Variants in SGCD observed in about 807,000 individuals in gnomAD.
SGCD encodes sarcoglycan delta.
A neutral mutation model predicts 36.6 loss-of-function variants in SGCD; 18 were observed. That is an observed-to-expected ratio of 0.49 (90% CI 0.34 to 0.73). SGCD has a LOEUF of 0.73. Among genes scored for constraint, SGCD ranks in the 30% least tolerant of loss-of-function variants. The probability of loss-of-function intolerance (pLI) is 0.01; values close to 1 mark genes in which losing one functional copy is unlikely to be tolerated. For missense variants in SGCD, 387 were observed against 346.7 expected (o/e 1.12, Z -0.92); for synonymous variants, 133 against 130.6 (o/e 1.02, Z -0.12).
chr5:156,380,807 A>C (rs1770935894), intron 3 of SGCD, among the ~76,000 whole-genome samples: 2 of 152,228 alleles, frequency 1.3e-5, no homozygotes, highest in Non-Finnish European at 2.9e-5. Context: ...AGATGTATAT[A>C]GGCAGGCTGT....
At chr5:156,753,852 C>T (rs892096968) in intron 7 of SGCD, among the ~76,000 whole-genome samples, 1 of 152,142 alleles carries the variant, frequency 6.6e-6, no homozygotes, top group African/African-American at 2.4e-5. Flanking sequence ...ATGGGAACTA[C>T]AATTCAAGAT....
chr5:156,002,929 C>T (rs2127568466), intron 1 of SGCD, among the ~76,000 whole-genome samples: 1 of 152,312 alleles, frequency 6.6e-6, no homozygotes, highest in South Asian at 2.1e-4. Flanking sequence ...TTCTCATATG[C>T]TCCTTTTAGG....
intron 4 of SGCD, among the ~76,000 whole-genome samples, chr5:156,533,701 CAG>C (rs1757980334): frequency 6.6e-6 from 1 of 152,144 alleles, no homozygotes; most frequent in Non-Finnish European, 1.5e-5. Context: ...AGATGCCTAA[CAG>C]AGATGTTAAT....
At chr5:156,726,220 G>A (rs1755766440) in intron 7 of SGCD, among the ~76,000 whole-genome samples, 2 of 152,148 alleles carry the variant, frequency 1.3e-5, no homozygotes, top group Admixed American at 1.3e-4. Context: ...TAATTATGAG[G>A]AGGGTCAGCC....
chr5:156,650,150 T>C (rs1763407337), intron 7 of SGCD, among the ~76,000 whole-genome samples: 1 of 152,152 alleles, frequency 6.6e-6, no homozygotes, highest in Non-Finnish European at 1.5e-5. Context: ...TCGTAGTGTT[T>C]GTTACACAAC....
At chr5:156,345,805 A>T (rs1019159467) in intron 3 of SGCD, among the ~76,000 whole-genome samples, 2 of 152,118 alleles carry the variant, frequency 1.3e-5, no homozygotes. Flanking sequence ...AATCCCAAAT[A>T]TCATAGTGGA....
upstream of SGCD, among the ~76,000 whole-genome samples, chr5:155,870,133 T>C (rs1396986168): frequency 6.6e-6 from 1 of 152,198 alleles, no homozygotes; most frequent in Non-Finnish European, 1.5e-5. Context: ...CAGTGTGATA[T>C]ACTGGTGAGA....
At chr5:156,024,839 T>C (rs1226690366) in intron 1 of SGCD, among the ~76,000 whole-genome samples, 2 of 151,774 alleles carry the variant, frequency 1.3e-5, no homozygotes, top group African/African-American at 4.8e-5. Context: ...GTGCCTGTAG[T>C]CTCAGCTACT....
the SGCD span, among the ~76,000 whole-genome samples, chr5:155,754,560 A>G: frequency 1.3e-5 from 2 of 152,224 alleles, no homozygotes; most frequent in East Asian, 1.9e-4. Context: ...AGGGAACTAT[A>G]CAACAATTAC....
At chr5:156,312,242 A>G (rs1202086769) in intron 3 of SGCD, among the ~76,000 whole-genome samples, 1 of 152,190 alleles carries the variant, frequency 6.6e-6, no homozygotes, top group Non-Finnish European at 1.5e-5. Flanking sequence ...TTTGGTCCCA[A>G]AACATTTATT....
At chr5:156,471,580 G>T (rs1215079109) in intron 3 of SGCD, among the ~76,000 whole-genome samples, 1 of 152,092 alleles carries the variant, frequency 6.6e-6, no homozygotes, top group Non-Finnish European at 1.5e-5. Context: ...TTTTACAAAT[G>T]TGTAGGAAAA....
At chr5:155,833,860 C>T in the SGCD span, among the ~76,000 whole-genome samples, 1 of 152,230 alleles carries the variant, frequency 6.6e-6, no homozygotes, top group Admixed American at 6.5e-5. Flanking sequence ...TATTTGGCCT[C>T]TGGCTACATG....
chr5:156,707,287 T>A (rs1446769766), intron 7 of SGCD, among the ~76,000 whole-genome samples: 16 of 152,208 alleles, frequency 1.1e-4, no homozygotes, highest in Non-Finnish European at 4.4e-5. Context: ...CAGCATGTCA[T>A]GGAACACATT....
At chr5:156,252,914 T>C (rs1048774679) in intron 3 of SGCD, among the ~76,000 whole-genome samples, 1 of 152,172 alleles carries the variant, frequency 6.6e-6, no homozygotes, top group African/African-American at 2.4e-5. Flanking sequence ...AGTGCTTCCT[T>C]ATGAGGTACT....
chr5:156,673,233 A>C (rs1291816120), intron 7 of SGCD, among the ~76,000 whole-genome samples: 2 of 152,250 alleles, frequency 1.3e-5, no homozygotes, highest in Non-Finnish European at 2.9e-5. Flanking sequence ...ATGCCTAAGC[A>C]CATATTTATC....
intron 4 of SGCD, among the ~76,000 whole-genome samples, chr5:156,583,751 T>C (rs1412655191): frequency 6.6e-6 from 1 of 152,148 alleles, no homozygotes; most frequent in Non-Finnish European, 1.5e-5. Flanking sequence ...GGTACAAGAA[T>C]AGATAAATAG....
At chr5:156,542,044 T>C (rs1172324311) in intron 4 of SGCD, among the ~76,000 whole-genome samples, 1 of 152,212 alleles carries the variant, frequency 6.6e-6, no homozygotes, top group Admixed American at 6.5e-5. Flanking sequence ...CATTTGACTT[T>C]CTTGAAATGC....
intron 1 of SGCD, among the ~76,000 whole-genome samples, chr5:155,908,792 A>C (rs1228347550): frequency 6.6e-6 from 1 of 152,066 alleles, no homozygotes; most frequent in African/African-American, 2.4e-5. Context: ...GACTATAACA[A>C]ATTAACTAAA....
intron 4 of SGCD, among the ~76,000 whole-genome samples, chr5:156,551,269 A>C (rs1264398702): frequency 6.6e-6 from 1 of 152,198 alleles, no homozygotes; most frequent in Non-Finnish European, 1.5e-5. Flanking sequence ...AAACTATGCC[A>C]TTCCCAACAA....
Sources: gnomAD v4.1 joint callset for allele counts (sites outside exome capture counted in the v4.1 genomes callset) on GRCh38, gnomAD v4.1.1 for gene constraint, MANE v1.5 for transcripts, NCBI Gene and HGNC (gene_info 2026-07-23, HGNC 2026-07-21) for gene names.